RALYL: variants seen among roughly 807,000 people sequenced by gnomAD.
RALYL encodes the protein RNA-binding Raly-like protein.
Under a neutral mutation model 35.1 loss-of-function variants are expected in RALYL, and 29 were observed. The ratio of observed to expected loss-of-function variants is 0.83; its 90% CI spans 0.61 to 1.13. The LOEUF is 1.13. Among genes scored for constraint, RALYL ranks in the 50% most tolerant of loss-of-function variants. RALYL has a pLI of 0.00. For missense variants in RALYL, 359 were observed against 360.4 expected (o/e 1.00, Z 0.03); for synonymous variants, 120 against 127.6 (o/e 0.94, Z 0.40).
intron 4 of RALYL, among the ~76,000 whole-genome samples, chr8:84,835,062 A>C (rs188570206): frequency 6.6e-6 from 1 of 152,310 alleles, no homozygotes; most frequent in African/African-American, 2.4e-5. Context: ...CAGGATTTTG[A>C]CATGAGCCAT....
intron 1 of RALYL, among the ~76,000 whole-genome samples, chr8:84,286,816 T>A (rs1209438853): frequency 1.3e-5 from 2 of 152,210 alleles, no homozygotes; most frequent in African/African-American, 4.8e-5. Flanking sequence ...CCTCTGGGTG[T>A]GACTTCCTCA....
intron 2 of RALYL, among the ~76,000 whole-genome samples, chr8:84,735,570 C>A (rs1847103716): frequency 6.6e-6 from 1 of 151,950 alleles, no homozygotes; most frequent in Non-Finnish European, 1.5e-5. Flanking sequence ...GAGTCCTAAC[C>A]TAGTTTTAGA....
At chr8:84,613,949 C>A (rs532781075) in intron 2 of RALYL, among the ~76,000 whole-genome samples, 1 of 150,418 alleles carries the variant, frequency 6.6e-6, no homozygotes, top group South Asian at 2.1e-4. Flanking sequence ...CACCTTCTCT[C>A]GTTGGTCTAA....
At chr8:84,563,486 A>G (rs1255088091) in intron 2 of RALYL, among the ~76,000 whole-genome samples, 1 of 151,830 alleles carries the variant, frequency 6.6e-6, no homozygotes, top group Non-Finnish European at 1.5e-5. Context: ...CTCTTCTTAG[A>G]GTCTTATCTT....
At chr8:84,467,728 A>G (rs927504178) in intron 1 of RALYL, among the ~76,000 whole-genome samples, 1 of 150,988 alleles carries the variant, frequency 6.6e-6, no homozygotes, top group African/African-American at 2.4e-5. Context: ...GATCTGTCTA[A>G]TGTTGACAGT....
Position 84,213,685 on chromosome 8 carries a change from T to C in RALYL, c.-24+29261T>C, listed in dbSNP as rs77786177. 7.6e-3 allele frequency among the ~76,000 whole-genome samples: 1,163 copies of C among 152,282 alleles called. 12 individuals are homozygous for C. The highest frequency in any genetic ancestry group is 0.026 in the African/African-American group (1,083 of 41,554). On this transcript the variant is annotated intron_variant, in intron 1 of 8. Coordinates refer to ENST00000521268, the MANE Select transcript of RALYL (RefSeq NM_173848.7). ...TGCTACAGAATATGTGTTACATAAATCCCACTTTGAAAACAAATCCCTGAA... is the reference window on the plus strand; with the variant it reads ...TGCTACAGAATATGTGTTACATAAACCCCACTTTGAAAACAAATCCCTGAA...
chr8:84,859,715 C>T (rs946382612), intron 5 of RALYL, among the ~76,000 whole-genome samples: 14 of 151,824 alleles, frequency 9.2e-5, no homozygotes, highest in Non-Finnish European at 1.6e-4. Flanking sequence ...TATCCAGGCA[C>T]GGTGGCATGC....
chr8:84,314,058 A>G (rs546164788), intron 1 of RALYL, among the ~76,000 whole-genome samples: 3 of 152,298 alleles, frequency 2.0e-5, no homozygotes, highest in East Asian at 1.9e-4. Flanking sequence ...GAAACTTCCA[A>G]TCATGGTGGA....
At chr8:84,480,128 T>C (rs1393139568) in intron 1 of RALYL, among the ~76,000 whole-genome samples, 2 of 152,176 alleles carry the variant, frequency 1.3e-5, no homozygotes, top group Non-Finnish European at 2.9e-5. Flanking sequence ...GTCAAATAAA[T>C]AGTATTTGAT....
At chr8:84,376,423 T>A (rs917484738) in intron 1 of RALYL, among the ~76,000 whole-genome samples, 6 of 151,810 alleles carry the variant, frequency 4.0e-5, no homozygotes, top group African/African-American at 1.4e-4. Context: ...AGAAGAAGGT[T>A]ATATGTATGA....
rs561915418 is a variant in RALYL at position 84,747,844 on chromosome 8, T to C, written c.257-26735T>C. ...AGACATTTGTCACTTAATCACATAT[T>C]TGAGCCACACCCCCCAAAAAAATAA... On this transcript the variant is annotated intron_variant, in intron 2 of 8. Coordinates refer to ENST00000521268, the MANE Select transcript of RALYL (RefSeq NM_173848.7). 3.9e-5 allele frequency among the ~76,000 whole-genome samples: 6 copies of C among 152,114 alleles called. No individual in the cohort carries two copies. In the East Asian group the frequency reaches 1.2e-3, roughly 29 times the overall value.
At chr8:84,913,022 G>GGGTAGGTA (rs1458080632) in intron 8 of RALYL, among the ~76,000 whole-genome samples, 3 of 114,476 alleles carry the variant, frequency 2.6e-5, no homozygotes, top group African/African-American at 9.9e-5. Flanking sequence ...ATGGATGGAT[G>GGGTAGGTA]GATGGATGGA....
intron 2 of RALYL, among the ~76,000 whole-genome samples, chr8:84,654,045 T>G (rs923960551): frequency 1.4e-4 from 21 of 150,398 alleles, no homozygotes; most frequent in Non-Finnish European, 2.8e-4. Flanking sequence ...TGTTTTAATT[T>G]TTGTGGATAC....
chr8:84,865,063 T>C (rs1187108536), intron 6 of RALYL, among the ~76,000 whole-genome samples: 2 of 152,220 alleles, frequency 1.3e-5, no homozygotes, highest in Admixed American at 6.5e-5. Flanking sequence ...ACTAGAATCA[T>C]GATTTAATAT....
At chr8:84,914,802 G>A (rs1186878703) in intron 8 of RALYL, among the ~76,000 whole-genome samples, 1 of 151,934 alleles carries the variant, frequency 6.6e-6, no homozygotes, top group Non-Finnish European at 1.5e-5. Context: ...GGGAAAAGCA[G>A]GTAGAAGTTT....
At chr8:84,523,270 G>A (rs377430122) in intron 1 of RALYL, among the ~76,000 whole-genome samples, 31 of 149,730 alleles carry the variant, frequency 2.1e-4, no homozygotes, top group African/African-American at 6.0e-4. Flanking sequence ...CATGTGCAGC[G>A]AAACTTCCCT....
At chr8:84,344,926 T>G (rs1849534651) in intron 1 of RALYL, among the ~76,000 whole-genome samples, 1 of 152,104 alleles carries the variant, frequency 6.6e-6, no homozygotes, top group South Asian at 2.1e-4. Context: ...AAACCACATT[T>G]TCTTTATCCA....
chr8:84,734,863 A>T (rs1384610537), intron 2 of RALYL, among the ~76,000 whole-genome samples: 1 of 152,134 alleles, frequency 6.6e-6, no homozygotes, highest in Non-Finnish European at 1.5e-5. Flanking sequence ...AAAAATGGAA[A>T]GAACCAACAA....
intron 1 of RALYL, among the ~76,000 whole-genome samples, chr8:84,513,567 G>T (rs1177404720): frequency 6.6e-6 from 1 of 151,788 alleles, no homozygotes; most frequent in Non-Finnish European, 1.5e-5. Context: ...AGGACTCCAA[G>T]GTTTAAATCC....
Sources: allele counts gnomAD v4.1 joint callset (sites outside exome capture counted in the v4.1 genomes callset), GRCh38; gene constraint gnomAD v4.1.1; transcripts MANE v1.5; gene names NCBI Gene and HGNC (gene_info 2026-07-23, HGNC 2026-07-21).